SLC26A7: variants seen among roughly 807,000 people sequenced by gnomAD.
SLC26A7 encodes anion exchange transporter.
Under a neutral mutation model 82.5 loss-of-function variants are expected in SLC26A7, and 59 were observed. The ratio of observed to expected loss-of-function variants is 0.72; its 90% CI spans 0.58 to 0.89. SLC26A7 has a LOEUF of 0.89. Among genes scored for constraint, SLC26A7 ranks in the 40% least tolerant of loss-of-function variants. The pLI is 0.00. For missense variants in SLC26A7, 820 were observed against 793.0 expected, an observed-to-expected ratio of 1.03 and a Z score of -0.41; for synonymous variants, 271 against 274.3, an observed-to-expected ratio of 0.99 and a Z score of 0.12.
intron 5 of SLC26A7, among the ~76,000 whole-genome samples, chr8:91,327,478 G>C (rs957555427): frequency 6.6e-6 from 1 of 152,024 alleles, no homozygotes; most frequent in Non-Finnish European, 1.5e-5. Flanking sequence ...TATACTCTTT[G>C]AGACATAGAA....
chr8:91,276,765 A>AT (rs1051798679), intron 2 of SLC26A7, among the ~76,000 whole-genome samples: 1 of 152,164 alleles, frequency 6.6e-6, no homozygotes, highest in African/African-American at 2.4e-5. Context: ...TAAACTGCTG[A>AT]TTTTTTAAAA....
Position 91,279,850 on chromosome 8 carries a change from G to T in SLC26A7, c.194-9286G>T, listed in dbSNP as rs575732166. Among the ~76,000 whole-genome samples the T allele has an allele frequency of 2.6e-5, 4 of 152,266 alleles. No homozygotes were observed. The East Asian group carries it at 7.7e-4, about 29-fold the overall frequency. Reference sequence around the variant, plus strand: ...TGGAATTACAGGCGTGAGCCACCGCGCCCAGCCGTGTATTTTTTATTTTAA... The same window carrying T: ...TGGAATTACAGGCGTGAGCCACCGCTCCCAGCCGTGTATTTTTTATTTTAA... On this transcript the variant is annotated intron_variant, in intron 2 of 18. Coordinates refer to ENST00000276609, the MANE Select transcript of SLC26A7 (RefSeq NM_052832.4).
At chr8:91,241,129 G>GT (rs1810468228) in intron 2 of SLC26A7, among the ~76,000 whole-genome samples, 1 of 152,070 alleles carries the variant, frequency 6.6e-6, no homozygotes, top group Non-Finnish European at 1.5e-5. Context: ...AATAAAAATT[G>GT]TAAGTAACCA....
At chr8:91,266,689 G>A (rs893486813) in intron 2 of SLC26A7, among the ~76,000 whole-genome samples, 2 of 151,878 alleles carry the variant, frequency 1.3e-5, no homozygotes, top group Non-Finnish European at 2.9e-5. Context: ...TGTGCAAATA[G>A]GGGCAATTTG....
At chr8:91,212,773 A>G (rs1809954373) in intron 1 of SLC26A7, among the ~76,000 whole-genome samples, 1 of 152,218 alleles carries the variant, frequency 6.6e-6, no homozygotes, top group African/African-American at 2.4e-5. Context: ...AGAGGATCAG[A>G]AAGCATCACA....
chr8:91,286,707 C>T (rs1020335109), intron 2 of SLC26A7, among the ~76,000 whole-genome samples: 5 of 152,142 alleles, frequency 3.3e-5, no homozygotes, highest in African/African-American at 1.2e-4. Flanking sequence ...AGAGATAATT[C>T]TGCTAATTTG....
intron 2 of SLC26A7, among the ~76,000 whole-genome samples, chr8:91,286,333 A>G (rs1811709522): frequency 6.6e-6 from 1 of 152,222 alleles, no homozygotes; most frequent in South Asian, 2.1e-4. Context: ...CTTCTCCTGT[A>G]ACCATTATCA....
At chr8:91,263,352 C>T (rs778027607) in intron 2 of SLC26A7, among the ~76,000 whole-genome samples, 15 of 151,938 alleles carry the variant, frequency 9.9e-5, no homozygotes, top group Non-Finnish European at 2.1e-4. Flanking sequence ...ACTTTATAGC[C>T]TTGGTTCTTT....
At chr8:91,332,225 A>C (rs1323398159) in intron 5 of SLC26A7, among the ~76,000 whole-genome samples, 3 of 144,466 alleles carry the variant, frequency 2.1e-5, no homozygotes, top group African/African-American at 7.5e-5. Context: ...TATATTCAAT[A>C]TATATTTAAT....
intron 11 of SLC26A7, among the ~76,000 whole-genome samples, chr8:91,358,727 C>T (rs1187597120): frequency 2.6e-5 from 4 of 152,250 alleles, no homozygotes; most frequent in Non-Finnish European, 4.4e-5. Flanking sequence ...GTGGCACATA[C>T]ACACCATGGA....
At chr8:91,351,956 T>G in intron 10 of SLC26A7, 69 bp downstream of exon 10, 1 of 1,194,406 alleles carries the variant, frequency 8.4e-7, no homozygotes, top group South Asian at 1.2e-5. Flanking sequence ...CATATAAAAT[T>G]TCTTGGAAGT....
intron 15 of SLC26A7, among the ~76,000 whole-genome samples, chr8:91,388,101 A>G (rs1056578043): frequency 6.6e-6 from 1 of 152,042 alleles, no homozygotes; most frequent in Non-Finnish European, 1.5e-5. Flanking sequence ...TTCATTTTTT[A>G]TTTTACTGCT....
intron 6 of SLC26A7, among the ~76,000 whole-genome samples, chr8:91,336,442 C>T (rs989468266): frequency 1.3e-5 from 2 of 151,952 alleles, no homozygotes; most frequent in African/African-American, 2.4e-5. Context: ...ATCTAGGTTG[C>T]GTGCTTCTTA....
chr8:91,353,865 C>T (rs768436046), intron 11 of SLC26A7, among the ~76,000 whole-genome samples: 5 of 152,006 alleles, frequency 3.3e-5, no homozygotes, highest in Non-Finnish European at 7.4e-5. Context: ...ACTATCCAGT[C>T]TCTCTAGACA....
intron 1 of SLC26A7, among the ~76,000 whole-genome samples, chr8:91,216,981 A>G (rs111730380): frequency 1.3e-5 from 2 of 152,066 alleles, no homozygotes; most frequent in East Asian, 3.9e-4. Flanking sequence ...ATTCTAGTCA[A>G]CCTTCAAAAC....
chr8:91,298,251 T>G (rs938366111), intron 4 of SLC26A7, among the ~76,000 whole-genome samples: 2 of 152,058 alleles, frequency 1.3e-5, no homozygotes, highest in Non-Finnish European at 2.9e-5. Context: ...AGCTTGTATT[T>G]GTCTAAATGT....
chr8:91,246,318 T>C (rs537373300), upstream of SLC26A7, among the ~76,000 whole-genome samples: 1 of 152,194 alleles, frequency 6.6e-6, no homozygotes, highest in African/African-American at 2.4e-5. Flanking sequence ...AAAAGGAATG[T>C]ACAATCTCAT....
At chr8:91,377,790 G>A (rs369500416) in intron 15 of SLC26A7, among the ~76,000 whole-genome samples, 118 of 152,146 alleles carry the variant, frequency 7.8e-4, no homozygotes, top group African/African-American at 2.5e-3. Flanking sequence ...TGAGTTCCTC[G>A]GCTGCCAGTC....
At chr8:91,364,758 C>G (rs146232443) in intron 13 of SLC26A7, among the ~76,000 whole-genome samples, 10 of 152,200 alleles carry the variant, frequency 6.6e-5, no homozygotes, top group African/African-American at 1.9e-4. Context: ...TAAACATGTA[C>G]AGAAGTGAAT....
Sources: gnomAD v4.1 joint callset for allele counts (sites outside exome capture counted in the v4.1 genomes callset) on GRCh38, gnomAD v4.1.1 for gene constraint, MANE v1.5 for transcripts, NCBI Gene and HGNC (gene_info 2026-07-23, HGNC 2026-07-21) for gene names.